GTF3C1: variants seen among roughly 807,000 people sequenced by gnomAD.
GTF3C1 encodes the protein general transcription factor IIIC subunit 1.
In GTF3C1, 57 loss-of-function variants were observed where a neutral mutation model predicts 226.7. That is an observed-to-expected ratio of 0.25 (90% CI 0.20 to 0.31). GTF3C1 has a LOEUF of 0.31. Ranked by LOEUF, GTF3C1 falls within the 10% of genes least tolerant of loss-of-function variation. The pLI is 1.00. For synonymous variants in GTF3C1, 1,090 were observed against 1,084.8 expected (o/e 1.00, Z -0.09); for missense variants, 2,217 against 2,776.1 (o/e 0.80, Z 4.53).
At chr16:27,506,758 G>A (rs563899350) in intron 9 of GTF3C1, 89 bp downstream of exon 9, 55 of 902,752 alleles carry the variant, frequency 6.1e-5, no homozygotes, top group African/African-American at 1.8e-4. Context: ...AAGGGCAACC[G>A]CAGGTGTTTG....
intron 3 of GTF3C1, 74 bp downstream of exon 3, chr16:27,538,106 G>T: frequency 8.1e-7 from 1 of 1,235,086 alleles, no homozygotes; most frequent in South Asian, 1.4e-5. Context: ...AGATACCACA[G>T]CAGGCCCCTG....
chr16:27,520,168 G>A (rs770207107), intron 6 of GTF3C1, among the ~76,000 whole-genome samples: 3 of 152,180 alleles, frequency 2.0e-5, no homozygotes, highest in Non-Finnish European at 4.4e-5. Context: ...CCAGACTGGA[G>A]TGCAGTGGCG....
chr16:27,479,226 T>C (rs929743763), intron 27 of GTF3C1, among the ~76,000 whole-genome samples: 14 of 152,102 alleles, frequency 9.2e-5, no homozygotes, highest in African/African-American at 2.4e-4. Flanking sequence ...CCCATAAATA[T>C]ATAAAATTAT....
chr16:27,461,602 T>G lies in GTF3C1; in HGVS notation c.6118-40A>C, dbSNP rs1469403272. ...CACACAGGTTACAGCGGCACTGCCC[T>G]CGCCTGCTTGTTGATTTATTCTTCA... On this transcript the variant is annotated intron_variant, in intron 36 of 36. Coordinates refer to ENST00000356183, the MANE Select transcript of GTF3C1 (RefSeq NM_001520.4). This position sits in a 1 kb window ranked among gnomAD's most constrained non-coding sequence, Gnocchi z 5.3. 7.0e-7 allele frequency: 1 copy of G among 1,422,170 alleles called. No individual in the cohort carries two copies. Among genetic ancestry groups the G allele is most frequent in the South Asian group, 1.1e-5 (1 of 87,220 alleles). 88.1% of individuals were successfully genotyped at this position (1,422,170 alleles called of 1,614,324 possible).
chr16:27,462,721 CTG>C lies in GTF3C1; in HGVS notation c.5925-237_5925-236del. On this transcript the variant is annotated intron_variant, in intron 35 of 36. Transcript: ENST00000356183. This position sits in a 1 kb window ranked among gnomAD's most constrained non-coding sequence, Gnocchi z 4.5. ...GGTGTCCGCTCTGATGTAGCTGTAA[CTG>C]AGGCCTCAGTGGGCCCACCCACATT... 1 of 506,852 alleles carries C rather than the reference CTG, an allele frequency of 2.0e-6. No homozygotes were observed. Among genetic ancestry groups the C allele is most frequent in the Non-Finnish European group, 3.6e-6 (1 of 280,874 alleles). The allele number at this position is 506,852 out of a possible 1,614,324, so 31.4% of individuals were successfully genotyped here.
rs755387077 is a variant in GTF3C1 at position 27,492,914 on chromosome 16, C to G, written c.2877-201G>C. Among the ~76,000 whole-genome samples the G allele has an allele frequency of 1.3e-5, 2 of 151,938 alleles. No individual in the cohort carries two copies. Among genetic ancestry groups the G allele is most frequent in the Non-Finnish European group, 2.9e-5 (2 of 67,990 alleles). ...CCAACCAGGGCCACAGAGATCAACC[C>G]GACACTAGGGATTTGATTTGGAAAG... On this transcript the variant is annotated intron_variant, in intron 17 of 36. Coordinates refer to ENST00000356183, the MANE Select transcript of GTF3C1 (RefSeq NM_001520.4). The surrounding 1 kb of genome is among the most constrained non-coding windows in gnomAD (Gnocchi z 5.0).
chr16:27,489,923 A>G (rs1050043724), intron 19 of GTF3C1, among the ~76,000 whole-genome samples, 180 bp from the exon 20 acceptor site: 3 of 152,248 alleles, frequency 2.0e-5, no homozygotes, highest in Non-Finnish European at 2.9e-5. Flanking sequence ...CAAGAAAGTC[A>G]GAGGGAACAG....
At chr16:27,487,889 T>C (rs1032121085) in intron 23 of GTF3C1, among the ~76,000 whole-genome samples, 1 of 152,210 alleles carries the variant, frequency 6.6e-6, no homozygotes, top group Non-Finnish European at 1.5e-5. Flanking sequence ...TCCCCCAAAA[T>C]TAGGATCTTG....
At chr16:27,476,585 C>T (rs1468684297) in intron 28 of GTF3C1, 41 bp from the exon 29 acceptor site, 5 of 1,112,712 alleles carry the variant, frequency 4.5e-6, no homozygotes, top group Non-Finnish European at 4.1e-6. Flanking sequence ...AGACCACAGG[C>T]ACTGCTCAGC....
chr16:27,464,004 C>T (rs906092054), intron 34 of GTF3C1: 18 of 422,840 alleles, frequency 4.3e-5, no homozygotes, highest in Admixed American at 2.2e-4. Flanking sequence ...TGCTGCCACC[C>T]GAGGAAGTTG....
At chr16:27,524,168 G>C (rs1463482803) in intron 6 of GTF3C1, among the ~76,000 whole-genome samples, 1 of 152,224 alleles carries the variant, frequency 6.6e-6, no homozygotes, top group Non-Finnish European at 1.5e-5. Flanking sequence ...TGTCTGTGGT[G>C]AAAGGGGAAG....
At position 27,503,056 on chromosome 16, in the gene GTF3C1, C is replaced by CGTG. The variant is rs1333884141; in HGVS notation, c.1771-62_1771-61insCAC. ...CTCGGCAAGGCTTGGGGGCCACGCACCACACCTGTGGGTGCACTGGCCCTC... is the reference window on the plus strand; with the variant it reads ...CTCGGCAAGGCTTGGGGGCCACGCACGTGCACACCTGTGGGTGCACTGGCCCTC... On this transcript the variant is annotated intron_variant, in intron 10 of 36. Transcript: ENST00000356183. 4.4e-6 allele frequency: 6 copies of CGTG among 1,361,176 alleles called. No individual in the cohort carries two copies. In the African/African-American group the frequency reaches 7.1e-5, roughly 16 times the overall value. The allele number at this position is 1,361,176 out of a possible 1,614,324, so 84.3% of individuals were successfully genotyped here.
chr16:27,548,228 C>T (rs914098086), intron 1 of GTF3C1, among the ~76,000 whole-genome samples: 2 of 152,198 alleles, frequency 1.3e-5, no homozygotes, highest in African/African-American at 2.4e-5. Flanking sequence ...TCTTTGCCAA[C>T]TGGCTGCCTA....
chr16:27,542,889 T>TA (rs2089109364), intron 2 of GTF3C1, among the ~76,000 whole-genome samples: 1 of 152,210 alleles, frequency 6.6e-6, no homozygotes, highest in Non-Finnish European at 1.5e-5. Flanking sequence ...GTGAACTAAA[T>TA]AAGCCTCTTT....
chr16:27,483,097 T>C lies in GTF3C1; in HGVS notation c.4030A>G (p.Lys1344Glu). ...KVCLAEVYQD[K>E]ALVGDFMNRR... The stretch of plus-strand genomic sequence containing the variant: ...TTCATGAAATCTCCAACAAGTGCTT[T>C]ATCCTGGTACACCTCGGCCAGGCAC... The change falls in exon 26 of 37, where the codon AAA becomes GAA. Residue 1344 changes from lysine (K) to glutamate (E), a missense_variant. Lys to Glu is a moderately conservative substitution (Grantham distance 56). Transcript: ENST00000356183. 1 of 1,614,218 alleles carries C rather than the reference T, an allele frequency of 6.2e-7. No individual in the cohort carries two copies. Among genetic ancestry groups the C allele is most frequent in the Non-Finnish European group, 8.5e-7 (1 of 1,180,030 alleles).
intron 6 of GTF3C1, among the ~76,000 whole-genome samples, chr16:27,527,966 C>G (rs2088858325): frequency 6.8e-6 from 1 of 146,866 alleles, no homozygotes; most frequent in Non-Finnish European, 1.5e-5. Context: ...AGAGAAAGAC[C>G]CTGTCTCAAA....
Position 27,469,591 on chromosome 16 carries a change from G to T in GTF3C1, c.4815-41C>A. 1 of 1,580,002 alleles carries T rather than the reference G, an allele frequency of 6.3e-7. No individual in the cohort carries two copies. The highest frequency in any genetic ancestry group is 1.2e-5 in the South Asian group (1 of 86,776). ...GACCTGGATACCTGAGCATAGGCCA[G>T]CCAGTTGCTACTGCAGCCTCTCCCC... On this transcript the variant is annotated intron_variant, in intron 31 of 36. Transcript: ENST00000356183. This position sits in a 1 kb window ranked among gnomAD's most constrained non-coding sequence, Gnocchi z 4.5.
chr16:27,498,677 G>A lies in GTF3C1; in HGVS notation c.2118C>T (p.Ala706=), dbSNP rs2088357750. 6.2e-7 allele frequency: 1 copy of A among 1,607,948 alleles called. No homozygotes were observed. Among genetic ancestry groups the A allele is most frequent in the South Asian group, 1.1e-5 (1 of 90,972 alleles). Reference sequence around the variant, plus strand: ...AGATCCGGAAGCGGACCTGCTCGATGGCACTTCTCACTAGAGGGTCGTTCT... The same window carrying A: ...AGATCCGGAAGCGGACCTGCTCGATAGCACTTCTCACTAGAGGGTCGTTCT... The part of the protein sequence containing the change: ...MDQNDPLVRS[A]IEQVRFRISN... The change falls in exon 13 of 37, where the codon GCC becomes GCT. Residue 706 remains alanine (A), a synonymous_variant. Coordinates refer to ENST00000356183, the MANE Select transcript of GTF3C1 (RefSeq NM_001520.4).
intron 16 of GTF3C1, among the ~76,000 whole-genome samples, chr16:27,494,140 G>A (rs890482138): frequency 1.3e-5 from 2 of 151,996 alleles, no homozygotes; most frequent in Non-Finnish European, 2.9e-5. Flanking sequence ...AATGGCTCAC[G>A]CCTGTAATCC....
Sources: gnomAD v4.1 joint callset for allele counts (sites outside exome capture counted in the v4.1 genomes callset) on GRCh38, gnomAD v4.1.1 for gene constraint, Gnocchi (gnomAD v3.1) non-coding constraint, MANE v1.5 for transcripts, NCBI Gene and HGNC (gene_info 2026-07-23, HGNC 2026-07-21) for gene names.